Variants in ARL15 observed in about 807,000 individuals in gnomAD.
The protein encoded by ARL15 is ADP-ribosylation factor-like protein 15.
ARL15 carries 19 observed loss-of-function variants against 25.2 expected under a neutral mutation model. The observed-to-expected ratio is 0.75, with a 90% confidence interval of 0.53 to 1.10. The LOEUF (loss-of-function observed/expected upper bound fraction) is 1.10, where lower values mean the gene tolerates loss of function less well. ARL15 is among the 50% of genes least tolerant of loss of function. The probability of loss-of-function intolerance (pLI) is 0.00; values close to 1 mark genes in which losing one functional copy is unlikely to be tolerated. For missense variants in ARL15, 220 were observed against 246.0 expected, an observed-to-expected ratio of 0.89 and a Z score of 0.71; for synonymous variants, 94 against 86.8, an observed-to-expected ratio of 1.08 and a Z score of -0.46.
intron 1 of ARL15, among the ~76,000 whole-genome samples, chr5:54,224,226 T>C (rs944138811): frequency 2.0e-5 from 3 of 152,104 alleles, no homozygotes; most frequent in African/African-American, 7.2e-5. Context: ...GAACGCATTG[T>C]GGTGACCCTG....
At chr5:54,138,706 G>C (rs528333599) in intron 3 of ARL15, among the ~76,000 whole-genome samples, 29 of 152,104 alleles carry the variant, frequency 1.9e-4, no homozygotes, top group Non-Finnish European at 3.8e-4. Flanking sequence ...CTTCTGCACA[G>C]CCGAAGAAAT....
intron 4 of ARL15, among the ~76,000 whole-genome samples, chr5:54,105,003 A>C (rs1007240105): frequency 2.0e-5 from 3 of 151,730 alleles, no homozygotes; most frequent in Non-Finnish European, 2.9e-5. Context: ...GCCATCTCAG[A>C]GCAACCAAGG....
At chr5:54,238,338 C>G (rs1317582064) in intron 1 of ARL15, among the ~76,000 whole-genome samples, 1 of 152,134 alleles carries the variant, frequency 6.6e-6, no homozygotes, top group African/African-American at 2.4e-5. Flanking sequence ...TACTCTTTAG[C>G]CTAAACCTGG....
intron 4 of ARL15, among the ~76,000 whole-genome samples, chr5:54,094,801 A>G (rs1297133518): frequency 6.6e-6 from 1 of 152,152 alleles, no homozygotes; most frequent in East Asian, 1.9e-4. Flanking sequence ...AAATTTGTTC[A>G]TCTGACAAGT....
intron 4 of ARL15, among the ~76,000 whole-genome samples, chr5:53,947,148 A>G (rs1382477619): frequency 1.3e-5 from 2 of 151,198 alleles, no homozygotes; most frequent in Admixed American, 1.3e-4. Context: ...AGGTCTAGCC[A>G]AAGAGAAAAA....
chr5:53,997,566 G>A (rs2111700434), intron 4 of ARL15, among the ~76,000 whole-genome samples: 2 of 152,250 alleles, frequency 1.3e-5, no homozygotes, highest in South Asian at 4.1e-4. Context: ...TAGCATGAGA[G>A]AATGAAAGGG....
intron 3 of ARL15, 40 bp downstream of exon 3, chr5:54,154,540 A>G: frequency 1.5e-6 from 2 of 1,327,932 alleles, no homozygotes; most frequent in Non-Finnish European, 2.0e-6. Flanking sequence ...AAATTCATAA[A>G]AGTTAAGGGC....
intron 3 of ARL15, among the ~76,000 whole-genome samples, chr5:54,115,505 A>G (rs1752873347): frequency 6.6e-6 from 1 of 152,122 alleles, no homozygotes; most frequent in African/African-American, 2.4e-5. Flanking sequence ...CCCATTTATT[A>G]AACACTTCCT....
At chr5:54,175,211 C>A (rs1266138298) in intron 1 of ARL15, among the ~76,000 whole-genome samples, 1 of 152,190 alleles carries the variant, frequency 6.6e-6, no homozygotes, top group Non-Finnish European at 1.5e-5. Flanking sequence ...AACTTTGTAG[C>A]CAACTCCATT....
At chr5:54,128,152 T>C (rs1373812334) in intron 3 of ARL15, among the ~76,000 whole-genome samples, 1 of 152,208 alleles carries the variant, frequency 6.6e-6, no homozygotes, top group African/African-American at 2.4e-5. Context: ...CCTAGAAAAT[T>C]CTTATGCAGA....
intron 4 of ARL15, among the ~76,000 whole-genome samples, chr5:53,899,877 G>T (rs891750242): frequency 1.3e-5 from 2 of 152,144 alleles, no homozygotes; most frequent in Non-Finnish European, 2.9e-5. Flanking sequence ...ACAAATCAGG[G>T]ACAGAAGAGT....
chr5:54,031,498 T>C (rs984170865), intron 4 of ARL15, among the ~76,000 whole-genome samples: 44 of 152,180 alleles, frequency 2.9e-4, no homozygotes, highest in Admixed American at 2.1e-3. Context: ...TGTCCTATTC[T>C]AGATAACATT....
At chr5:54,029,049 G>T (rs529133233) in intron 4 of ARL15, among the ~76,000 whole-genome samples, 2 of 151,856 alleles carry the variant, frequency 1.3e-5, no homozygotes, top group African/African-American at 4.8e-5. Context: ...AAATTACGAA[G>T]AATTCATGGT....
chr5:54,015,550 CAG>C (rs2079119338), intron 4 of ARL15, among the ~76,000 whole-genome samples: 2 of 152,258 alleles, frequency 1.3e-5, no homozygotes, highest in South Asian at 4.2e-4. Context: ...ATTAGACTCA[CAG>C]AACTTTAGAG....
chr5:54,158,354 C>G (rs277329), intron 2 of ARL15, among the ~76,000 whole-genome samples: 3 of 151,952 alleles, frequency 2.0e-5, no homozygotes, highest in African/African-American at 7.3e-5. Flanking sequence ...GTATTCAGTA[C>G]CCCTCCTAGG....
chr5:53,962,995 T>C lies in ARL15; in HGVS notation c.463-76282A>G, dbSNP rs1202183197. Among the ~76,000 whole-genome samples the C allele has an allele frequency of 2.6e-5, 4 of 152,304 alleles. No homozygotes were observed. In the East Asian group the frequency reaches 7.7e-4, roughly 29 times the overall value. ...TAATGAAAACATTTAGTCCAGTACCTGGCACCTCGATAGTACCACATGAAT... is the reference window on the plus strand; with the variant it reads ...TAATGAAAACATTTAGTCCAGTACCCGGCACCTCGATAGTACCACATGAAT... On this transcript the variant is annotated intron_variant, in intron 4 of 4. Coordinates refer to ENST00000504924, the MANE Select transcript of ARL15 (RefSeq NM_019087.3).
intron 4 of ARL15, among the ~76,000 whole-genome samples, chr5:54,112,666 T>C (rs1209002723): frequency 6.6e-6 from 1 of 152,090 alleles, no homozygotes; most frequent in Non-Finnish European, 1.5e-5. Context: ...AGCTAAGAAA[T>C]AAAATTAAAT....
intron 4 of ARL15, among the ~76,000 whole-genome samples, chr5:53,974,032 T>C (rs1045162730): frequency 1.3e-5 from 2 of 152,146 alleles, no homozygotes; most frequent in African/African-American, 4.8e-5. Flanking sequence ...TTGTGGTCTG[T>C]CTGGGAAACT....
chr5:54,236,015 G>C (rs1756794779), intron 1 of ARL15, among the ~76,000 whole-genome samples: 1 of 152,138 alleles, frequency 6.6e-6, no homozygotes, highest in Non-Finnish European at 1.5e-5. Flanking sequence ...TAAGAAATTT[G>C]ATATAGCTAT....
Sources: gnomAD v4.1 joint callset for allele counts (sites outside exome capture counted in the v4.1 genomes callset) on GRCh38, gnomAD v4.1.1 for gene constraint, MANE v1.5 for transcripts, NCBI Gene and HGNC (gene_info 2026-07-23, HGNC 2026-07-21) for gene names.